ACVR2A: variants seen among roughly 807,000 people sequenced by gnomAD.
The protein encoded by ACVR2A is activin A receptor type 2A, also known as activin receptor type-2A.
A neutral mutation model predicts 61.4 loss-of-function variants in ACVR2A; 7 were observed. That is an observed-to-expected ratio of 0.11 (90% CI 0.06 to 0.21). ACVR2A has a LOEUF of 0.21. Among genes scored for constraint, ACVR2A ranks in the 10% least tolerant of loss-of-function variants. ACVR2A has a pLI of 1.00. For synonymous variants in ACVR2A, 193 were observed against 208.3 expected (o/e 0.93, Z 0.63); for missense variants, 322 against 621.7 (o/e 0.52, Z 5.13).
chr2:147,925,429 A>G (rs1687479178), intron 9 of ACVR2A, among the ~76,000 whole-genome samples: 1 of 151,986 alleles, frequency 6.6e-6, no homozygotes, highest in Non-Finnish European at 1.5e-5. Flanking sequence ...AATGTTGTCT[A>G]TGAAGGCACA....
At chr2:147,848,426 G>GACCCC (rs1685369409) in intron 1 of ACVR2A, among the ~76,000 whole-genome samples, 1 of 152,092 alleles carries the variant, frequency 6.6e-6, no homozygotes, top group Non-Finnish European at 1.5e-5. Context: ...CAGGGGACGG[G>GACCCC]GTGTGCTACT....
chr2:147,845,931 A>G (rs1685300684), intron 1 of ACVR2A, among the ~76,000 whole-genome samples: 1 of 152,186 alleles, frequency 6.6e-6, no homozygotes, highest in African/African-American at 2.4e-5. Context: ...TTTGTATTGA[A>G]GCATTGTTTT....
chr2:147,916,267 C>G (rs1049978978), intron 5 of ACVR2A, among the ~76,000 whole-genome samples: 2 of 151,498 alleles, frequency 1.3e-5, no homozygotes, highest in African/African-American at 2.4e-5. Flanking sequence ...TCTGTTGTGC[C>G]AAGATTCATA....
At chr2:147,853,245 T>A (rs1280749357) in intron 1 of ACVR2A, among the ~76,000 whole-genome samples, 1 of 152,122 alleles carries the variant, frequency 6.6e-6, no homozygotes, top group African/African-American at 2.4e-5. Context: ...TAATAAAACA[T>A]GATAACGTAA....
intron 1 of ACVR2A, among the ~76,000 whole-genome samples, chr2:147,894,853 A>G (rs1038611953): frequency 3.9e-5 from 6 of 152,020 alleles, no homozygotes; most frequent in Non-Finnish European, 8.8e-5. Flanking sequence ...TTAGTTTACA[A>G]CTCAGTCATA....
chr2:147,872,123 C>A (rs1038528756), intron 1 of ACVR2A, among the ~76,000 whole-genome samples: 1 of 151,812 alleles, frequency 6.6e-6, no homozygotes, highest in Admixed American at 6.6e-5. Context: ...TTTATTCTAC[C>A]ACAGCAAAAT....
chr2:147,903,528 G>T (rs1686919623), intron 4 of ACVR2A, among the ~76,000 whole-genome samples: 2 of 151,842 alleles, frequency 1.3e-5, no homozygotes. Flanking sequence ...TTACATGTTT[G>T]ATTATGTTAC....
chr2:147,917,998 T>C (rs909216714), intron 6 of ACVR2A, among the ~76,000 whole-genome samples: 4 of 152,010 alleles, frequency 2.6e-5, no homozygotes, highest in Non-Finnish European at 5.9e-5. Flanking sequence ...CTTTTACTTC[T>C]CTTATCTTGA....
In ACVR2A at chr2:147,928,668, C is replaced by T. The variant is rs1286483963; in HGVS notation, c.*1394C>T. 1.3e-5 allele frequency: 2 copies of T among 152,260 alleles called. No individual in the cohort carries two copies. Among genetic ancestry groups the T allele is most frequent in the Non-Finnish European group, 2.9e-5 (2 of 67,918 alleles). 9.4% of individuals were successfully genotyped at this position (152,260 alleles called of 1,614,324 possible). A position where few individuals can be genotyped will look rare whatever the true frequency, so the allele number is the denominator to read the frequency against. On this transcript the variant is annotated 3_prime_UTR_variant, in exon 11 of 11. Transcript: ENST00000241416. The stretch of plus-strand genomic sequence containing the variant: ...TCCCCAAAATTGCTTTTACAACTAA[C>T]ACTGATACTAATTTAGGATAGTTCA...
At chr2:147,893,855 T>C (rs746268665) in intron 1 of ACVR2A, among the ~76,000 whole-genome samples, 3 of 152,196 alleles carry the variant, frequency 2.0e-5, no homozygotes, top group Non-Finnish European at 4.4e-5. Flanking sequence ...CTTCAAAGAG[T>C]AGAAGTTTTC....
intron 1 of ACVR2A, among the ~76,000 whole-genome samples, chr2:147,871,757 TAA>T (rs1686024696): frequency 6.6e-6 from 1 of 152,088 alleles, no homozygotes; most frequent in African/African-American, 2.4e-5. Context: ...GATTTCATTT[TAA>T]AGACAAACTT....
At chr2:147,878,014 T>C (rs1035121280) in intron 1 of ACVR2A, among the ~76,000 whole-genome samples, 5 of 152,214 alleles carry the variant, frequency 3.3e-5, no homozygotes, top group Admixed American at 3.3e-4. Context: ...TAGAAGCTGT[T>C]GCCTGTAGTA....
At chr2:147,879,763 G>C (rs1231160611) in intron 1 of ACVR2A, among the ~76,000 whole-genome samples, 1 of 152,166 alleles carries the variant, frequency 6.6e-6, no homozygotes, top group East Asian at 1.9e-4. Context: ...GTTTGCTTTA[G>C]TAAATTGTCT....
rs547994591 is a variant in ACVR2A at position 147,889,900 on chromosome 2, T to G, written c.56-6401T>G. On this transcript the variant is annotated intron_variant, in intron 1 of 10. Coordinates refer to ENST00000241416, the MANE Select transcript of ACVR2A (RefSeq NM_001616.5). ...AGCAGTACTTTGAATATAGAACTAT[T>G]ATATAAATTAACTCATACTAGATTA... Among the ~76,000 whole-genome samples the G allele has an allele frequency of 2.0e-5, 3 of 151,740 alleles. No homozygotes were observed. In the South Asian group the frequency reaches 6.3e-4, roughly 32 times the overall value.
At chr2:147,888,605 G>T (rs1686499598) in intron 1 of ACVR2A, among the ~76,000 whole-genome samples, 1 of 150,354 alleles carries the variant, frequency 6.7e-6, no homozygotes, top group South Asian at 2.1e-4. Context: ...AAATGCAATT[G>T]ATTTTTGTGT....
chr2:147,877,824 T>G (rs925624034), intron 1 of ACVR2A, among the ~76,000 whole-genome samples: 2 of 152,188 alleles, frequency 1.3e-5, no homozygotes, highest in African/African-American at 4.8e-5. Context: ...GAAAGCTTTC[T>G]GTTTCTGTAG....
At chr2:147,881,890 C>T (rs908044376) in intron 1 of ACVR2A, among the ~76,000 whole-genome samples, 2 of 151,870 alleles carry the variant, frequency 1.3e-5, no homozygotes, top group African/African-American at 4.8e-5. Context: ...AAATTTAAGT[C>T]CTCTAAAAAT....
chr2:147,923,821 A>G (rs1687441612), intron 9 of ACVR2A, among the ~76,000 whole-genome samples: 1 of 152,056 alleles, frequency 6.6e-6, no homozygotes, highest in Non-Finnish European at 1.5e-5. Flanking sequence ...CTTAAGTTCT[A>G]ATTTATAATT....
chr2:147,858,966 G>A (rs967788072), intron 1 of ACVR2A, among the ~76,000 whole-genome samples: 8 of 151,950 alleles, frequency 5.3e-5, no homozygotes, highest in Admixed American at 4.6e-4. Context: ...TTTGACCTGA[G>A]GGCTGTAGTT....
Sources: allele counts gnomAD v4.1 joint callset (sites outside exome capture counted in the v4.1 genomes callset), GRCh38; gene constraint gnomAD v4.1.1; transcripts MANE v1.5; gene names NCBI Gene and HGNC (gene_info 2026-07-23, HGNC 2026-07-21).